The following AUTS2 variants were observed in gnomAD, a reference collection of about 807,000 sequenced individuals.
The protein encoded by AUTS2 is activator of transcription and developmental regulator AUTS2, also known as autism susceptibility gene 2 protein.
In AUTS2, 17 loss-of-function variants were observed where a neutral mutation model predicts 112.4. The ratio of observed to expected loss-of-function variants is 0.15; its 90% CI spans 0.10 to 0.23. AUTS2 has a LOEUF of 0.23. Among genes scored for constraint, AUTS2 ranks in the 10% least tolerant of loss-of-function variants. The probability of loss-of-function intolerance (pLI) is 1.00; values close to 1 mark genes in which losing one functional copy is unlikely to be tolerated. For missense variants in AUTS2, 1,510 were observed against 1,701.6 expected (o/e 0.89, Z 1.98); for synonymous variants, 751 against 702.7 (o/e 1.07, Z -1.09).
chr7:70,620,347 G>A (rs931107078), intron 5 of AUTS2, among the ~76,000 whole-genome samples: 3 of 152,098 alleles, frequency 2.0e-5, no homozygotes, highest in Non-Finnish European at 2.9e-5. Context: ...AGCTCCTTTC[G>A]TAAAGTGAGA....
intron 4 of AUTS2, among the ~76,000 whole-genome samples, chr7:70,195,976 A>G (rs759977724): frequency 6.6e-6 from 1 of 152,182 alleles, no homozygotes; most frequent in African/African-American, 2.4e-5. Context: ...AAGCTCCTAT[A>G]CTGGATTAAA....
chr7:70,374,346 A>T (rs1585072327), intron 4 of AUTS2, among the ~76,000 whole-genome samples: 1 of 152,228 alleles, frequency 6.6e-6, no homozygotes, highest in East Asian at 1.9e-4. Context: ...CTTAACCACA[A>T]AACCTATCTA....
At chr7:70,784,085 G>C (rs927647991) in intron 15 of AUTS2, 1 of 152,138 alleles carries the variant, frequency 6.6e-6, no homozygotes, top group Non-Finnish European at 1.5e-5. Flanking sequence ...TGAGTTCCCT[G>C]GCAGGCAAAG....
intron 5 of AUTS2, among the ~76,000 whole-genome samples, chr7:70,602,939 A>T (rs1219297314): frequency 6.6e-6 from 1 of 152,212 alleles, no homozygotes; most frequent in South Asian, 2.1e-4. Flanking sequence ...CACAAGTGGT[A>T]TGTGCTGAGA....
At chr7:70,558,987 T>A (rs1801366071) in intron 5 of AUTS2, among the ~76,000 whole-genome samples, 1 of 152,218 alleles carries the variant, frequency 6.6e-6, no homozygotes, top group Non-Finnish European at 1.5e-5. Flanking sequence ...TGAATTGTAA[T>A]AATCCCCATA....
chr7:70,647,296 C>T (rs761451551), intron 5 of AUTS2, among the ~76,000 whole-genome samples: 6 of 152,158 alleles, frequency 3.9e-5, no homozygotes, highest in African/African-American at 9.7e-5. Flanking sequence ...AAACGCTGGA[C>T]GGCTCTGGGG....
Position 70,005,940 on chromosome 7 carries a change from C to A in AUTS2, c.522+106442C>A, listed in dbSNP as rs555563621. Among the ~76,000 whole-genome samples the A allele has an allele frequency of 8.5e-5, 13 of 152,218 alleles. No individual in the cohort carries two copies. The East Asian group carries it at 2.1e-3, about 25-fold the overall frequency. On this transcript the variant is annotated intron_variant, in intron 2 of 18. Transcript: ENST00000342771. ...TGTATGCTAGTCCTTTGAAATTCTG[C>A]AGTTGGATTGTGTATATATTGTGTA...
At chr7:70,037,441 T>C (rs942224554) in intron 2 of AUTS2, among the ~76,000 whole-genome samples, 1 of 152,214 alleles carries the variant, frequency 6.6e-6, no homozygotes, top group African/African-American at 2.4e-5. Context: ...ATATGTTCAC[T>C]TGTTTTCCTA....
chr7:70,455,072 GTGT>G (rs999403564), intron 5 of AUTS2, among the ~76,000 whole-genome samples: 8 of 152,298 alleles, frequency 5.3e-5, no homozygotes, highest in East Asian at 3.9e-4. Context: ...ACATACCCAT[GTGT>G]TGTTGTTGTT....
intron 1 of AUTS2, among the ~76,000 whole-genome samples, chr7:69,689,455 A>G (rs1309335504): frequency 7.1e-6 from 1 of 140,002 alleles, no homozygotes; most frequent in African/African-American, 2.7e-5. Flanking sequence ...GGTTCAAGCG[A>G]TTCTTCTGCC....
At chr7:69,657,303 C>T (rs568695067) in intron 1 of AUTS2, among the ~76,000 whole-genome samples, 18 of 152,178 alleles carry the variant, frequency 1.2e-4, no homozygotes, top group Non-Finnish European at 2.4e-4. Context: ...GCAGAACCAG[C>T]GAGGTGCAGG....
At chr7:70,522,909 T>G (rs1799700570) in intron 5 of AUTS2, among the ~76,000 whole-genome samples, 1 of 152,212 alleles carries the variant, frequency 6.6e-6, no homozygotes, top group Non-Finnish European at 1.5e-5. Context: ...AAAGATCATG[T>G]AATTGCCACA....
At chr7:70,520,251 T>G (rs1799587621) in intron 5 of AUTS2, among the ~76,000 whole-genome samples, 1 of 152,172 alleles carries the variant, frequency 6.6e-6, no homozygotes, top group Admixed American at 6.5e-5. Context: ...CACACACACA[T>G]GAGCAAGCTT....
In AUTS2 at chr7:70,712,193, C is replaced by CTTTTTTTTT. The variant is rs67326941; in HGVS notation, c.742+13599_742+13607dup. Among the ~76,000 whole-genome samples, 7 of 45,084 alleles carry CTTTTTTTTT rather than the reference C, an allele frequency of 1.6e-4. 2 individuals carry two copies. Among genetic ancestry groups the CTTTTTTTTT allele is most frequent in the African/African-American group, 5.9e-4 (6 of 10,140 alleles). 29.6% of individuals were successfully genotyped at this position (45,084 alleles called of 152,430 possible). On this transcript the variant is annotated intron_variant, in intron 6 of 18. Transcript: ENST00000342771. ...GGCACAAGCCACCATGCCTGGCTCA[C>CTTTTTTTTT]TTTTTTTTTTTTTTTTTTTTTTTTT...
intron 1 of AUTS2, among the ~76,000 whole-genome samples, chr7:69,665,652 C>A (rs559400827): frequency 6.6e-6 from 1 of 152,324 alleles, no homozygotes; most frequent in South Asian, 2.1e-4. Context: ...TCTGTATAAT[C>A]ATTCTCTTCC....
chr7:70,541,943 T>A (rs1800569486), intron 5 of AUTS2, among the ~76,000 whole-genome samples: 1 of 152,200 alleles, frequency 6.6e-6, no homozygotes. Flanking sequence ...ATGCTCCTGA[T>A]CCTCATCAGT....
At chr7:69,657,166 T>G (rs1193748402) in intron 1 of AUTS2, among the ~76,000 whole-genome samples, 1 of 152,156 alleles carries the variant, frequency 6.6e-6, no homozygotes, top group African/African-American at 2.4e-5. Flanking sequence ...GTTGTGACAA[T>G]TAAGTCTCAA....
chr7:70,003,627 T>C (rs1193692673), intron 2 of AUTS2, among the ~76,000 whole-genome samples: 1 of 118,050 alleles, frequency 8.5e-6, no homozygotes, highest in Non-Finnish European at 1.6e-5. Flanking sequence ...TATATGAGTA[T>C]CTATAATATA....
intron 5 of AUTS2, among the ~76,000 whole-genome samples, chr7:70,672,880 T>C (rs1162939364): frequency 6.6e-6 from 1 of 152,124 alleles, no homozygotes; most frequent in Non-Finnish European, 1.5e-5. Context: ...GGATTAGAGG[T>C]GTGAGCCACC....
Sources: gnomAD v4.1 joint callset for allele counts (sites outside exome capture counted in the v4.1 genomes callset) on GRCh38, gnomAD v4.1.1 for gene constraint, MANE v1.5 for transcripts, NCBI Gene and HGNC (gene_info 2026-07-23, HGNC 2026-07-21) for gene names.